The following GABRG3 variants were observed in gnomAD, a reference collection of about 807,000 sequenced individuals.
GABRG3 encodes gamma-aminobutyric acid type A receptor subunit gamma3, also known as gamma-aminobutyric acid receptor subunit gamma-3.
GABRG3 carries 25 observed loss-of-function variants against 48.8 expected under a neutral mutation model. That is an observed-to-expected ratio of 0.51 (90% CI 0.37 to 0.72). The LOEUF (loss-of-function observed/expected upper bound fraction) is 0.72. GABRG3 is among the 30% of genes least tolerant of loss of function. The pLI is 0.00. For synonymous variants in GABRG3, 227 were observed against 217.6 expected (o/e 1.04, Z -0.38); for missense variants, 394 against 577.9 (o/e 0.68, Z 3.26).
intron 6 of GABRG3, among the ~76,000 whole-genome samples, chr15:27,496,905 A>G (rs763364134): frequency 1.3e-5 from 2 of 152,184 alleles, no homozygotes; most frequent in Non-Finnish European, 2.9e-5. Flanking sequence ...TTGATATATC[A>G]GGGTCACAAA....
intron 3 of GABRG3, among the ~76,000 whole-genome samples, chr15:27,286,866 G>A (rs1015574503): frequency 1.3e-5 from 2 of 152,228 alleles, no homozygotes; most frequent in African/African-American, 2.4e-5. Flanking sequence ...TTAGTTCCAC[G>A]CCTGCTCTGG....
chr15:27,370,462 G>T (rs1324306058), intron 5 of GABRG3, among the ~76,000 whole-genome samples: 1 of 152,240 alleles, frequency 6.6e-6, no homozygotes, highest in Middle Eastern at 3.4e-3. Context: ...TACCTGTTTG[G>T]GTCATCTCCA....
chr15:27,371,932 A>G (rs1165035112), intron 5 of GABRG3, among the ~76,000 whole-genome samples: 3 of 152,202 alleles, frequency 2.0e-5, no homozygotes, highest in African/African-American at 7.2e-5. Flanking sequence ...ACAAAGTGAC[A>G]TGCTGGATCT....
intron 3 of GABRG3, among the ~76,000 whole-genome samples, chr15:27,258,045 G>T (rs1261817354): frequency 6.6e-6 from 1 of 152,146 alleles, no homozygotes; most frequent in Non-Finnish European, 1.5e-5. Flanking sequence ...GTGATTTGTG[G>T]ATTCCCCACA....
chr15:27,129,728 A>G (rs1450414439), intron 3 of GABRG3, among the ~76,000 whole-genome samples: 1 of 148,316 alleles, frequency 6.7e-6, no homozygotes, highest in Non-Finnish European at 1.5e-5. Flanking sequence ...TTTTTTTTTC[A>G]TAACAGCCAT....
intron 3 of GABRG3, among the ~76,000 whole-genome samples, chr15:27,201,183 T>G (rs1389909434): frequency 1.3e-5 from 2 of 151,574 alleles, no homozygotes; most frequent in Non-Finnish European, 2.9e-5. Flanking sequence ...GTTCTGGGAG[T>G]GTGCTGAGTC....
intron 6 of GABRG3, among the ~76,000 whole-genome samples, chr15:27,494,310 T>G (rs1280701918): frequency 6.6e-6 from 1 of 152,122 alleles, no homozygotes; most frequent in Non-Finnish European, 1.5e-5. Flanking sequence ...TGTTTATATC[T>G]TGTTGAGAGT....
chr15:26,977,728 G>A (rs1193233370), intron 2 of GABRG3, among the ~76,000 whole-genome samples: 1 of 152,040 alleles, frequency 6.6e-6, no homozygotes, highest in Non-Finnish European at 1.5e-5. Flanking sequence ...TCATCTGTTG[G>A]GGAACATTTT....
At chr15:27,440,774 T>C (rs1454139667) in intron 5 of GABRG3, among the ~76,000 whole-genome samples, 2 of 152,236 alleles carry the variant, frequency 1.3e-5, no homozygotes, top group African/African-American at 4.8e-5. Context: ...AGTTACTCCT[T>C]AAAGGCAATA....
Position 27,533,139 on chromosome 15 carries a change from G to A in GABRG3, c.*258G>A. 5.1e-6 allele frequency: 2 copies of A among 388,674 alleles called. No homozygotes were observed. The highest frequency in any genetic ancestry group is 9.3e-6 in the Non-Finnish European group (2 of 216,004). The allele number at this position is 388,674 out of a possible 1,614,324, so 24.1% of individuals were successfully genotyped here. A position where few individuals can be genotyped will look rare whatever the true frequency, so the allele number is the denominator to read the frequency against. On this transcript the variant is annotated 3_prime_UTR_variant, in exon 10 of 10. Transcript: ENST00000615808. ...CTAATCCCTACTGAATTGTAGCTTGGTGTTGTTTCTGAATGGTTTTTGGAT... is the reference window on the plus strand; with the variant it reads ...CTAATCCCTACTGAATTGTAGCTTGATGTTGTTTCTGAATGGTTTTTGGAT...
chr15:27,261,621 AT>A (rs1232325730), intron 3 of GABRG3, among the ~76,000 whole-genome samples: 14 of 151,744 alleles, frequency 9.2e-5, no homozygotes, highest in African/African-American at 3.4e-4. Context: ...TTTAAAACAT[AT>A]GAAATATATT....
intron 3 of GABRG3, among the ~76,000 whole-genome samples, chr15:27,058,753 A>G (rs1896595739): frequency 6.6e-6 from 1 of 152,188 alleles, no homozygotes; most frequent in South Asian, 2.1e-4. Context: ...AGTCTATTAG[A>G]AACCAGTAAG....
chr15:27,173,694 A>G (rs1887647584), intron 3 of GABRG3, among the ~76,000 whole-genome samples: 1 of 147,194 alleles, frequency 6.8e-6, no homozygotes, highest in South Asian at 2.2e-4. Flanking sequence ...AGAGCAAGAT[A>G]CTATCGCTGC....
chr15:27,214,784 G>A (rs149471909), intron 3 of GABRG3, among the ~76,000 whole-genome samples: 3 of 151,832 alleles, frequency 2.0e-5, no homozygotes, highest in African/African-American at 7.2e-5. Flanking sequence ...ACATTGCAGG[G>A]TATTGAGTAT....
chr15:27,241,678 G>A (rs911785298), intron 3 of GABRG3, among the ~76,000 whole-genome samples: 5 of 152,172 alleles, frequency 3.3e-5, no homozygotes, highest in Admixed American at 1.3e-4. Flanking sequence ...ACACACATCA[G>A]CCGCTATTCT....
Position 27,408,775 on chromosome 15 carries a change from T to C in GABRG3, c.575-71875T>C, listed in dbSNP as rs571347758. On this transcript the variant is annotated intron_variant, in intron 5 of 9. Transcript: ENST00000615808. ...ACTAAGTCTGTTTGCCTGCACATAT[T>C]ATAAGATAAACATTCAAAAAAGACA... Among the ~76,000 whole-genome samples, 4 of 152,142 alleles carry C rather than the reference T, an allele frequency of 2.6e-5. No individual in the cohort carries two copies. The South Asian group carries it at 8.3e-4, about 32-fold the overall frequency.
intron 3 of GABRG3, among the ~76,000 whole-genome samples, chr15:27,229,394 C>T (rs907349846): frequency 6.6e-6 from 1 of 152,098 alleles, no homozygotes; most frequent in Non-Finnish European, 1.5e-5. Flanking sequence ...TATAGATGTG[C>T]AGCCAGCCTT....
At chr15:27,459,950 G>T (rs1334299669) in intron 5 of GABRG3, among the ~76,000 whole-genome samples, 1 of 152,110 alleles carries the variant, frequency 6.6e-6, no homozygotes, top group African/African-American at 2.4e-5. Context: ...GTGAGGGAAA[G>T]GTGAGTGTGG....
intron 3 of GABRG3, among the ~76,000 whole-genome samples, chr15:27,235,990 C>T (rs1157142180): frequency 1.3e-5 from 2 of 152,182 alleles, no homozygotes; most frequent in African/African-American, 2.4e-5. Flanking sequence ...GTAAAGTTCT[C>T]TACAAAAGAT....
Sources: allele counts gnomAD v4.1 joint callset (sites outside exome capture counted in the v4.1 genomes callset), GRCh38; gene constraint gnomAD v4.1.1; transcripts MANE v1.5; gene names NCBI Gene and HGNC (gene_info 2026-07-23, HGNC 2026-07-21).